Variants in CSNK1A1 observed in about 807,000 individuals in gnomAD.
CSNK1A1 encodes casein kinase 1 alpha 1.
Under a neutral mutation model 46.1 loss-of-function variants are expected in CSNK1A1, and 7 were observed. That is an observed-to-expected ratio of 0.15 (90% CI 0.09 to 0.29). The LOEUF (loss-of-function observed/expected upper bound fraction) is 0.29. CSNK1A1 is among the 10% of genes least tolerant of loss of function. The pLI, the probability that CSNK1A1 is intolerant of heterozygous loss-of-function variation, is 1.00. For missense variants in CSNK1A1, 96 were observed against 417.1 expected, an observed-to-expected ratio of 0.23 and a Z score of 6.71; for synonymous variants, 137 against 141.5, an observed-to-expected ratio of 0.97 and a Z score of 0.23.
chr5:149,530,539 C>A (rs1305070133), intron 2 of CSNK1A1, among the ~76,000 whole-genome samples: 1 of 152,234 alleles, frequency 6.6e-6, no homozygotes, highest in African/African-American at 2.4e-5. Context: ...CAAACTTAGT[C>A]TCTTGCCAGC....
intron 9 of CSNK1A1, chr5:149,498,971 C>G: frequency 1.0e-6 from 1 of 985,338 alleles, no homozygotes; most frequent in African/African-American, 1.7e-5. Flanking sequence ...AAAGGCTACC[C>G]TAACAATATT....
intron 2 of CSNK1A1, among the ~76,000 whole-genome samples, chr5:149,548,870 G>A (rs529367315): frequency 6.6e-6 from 1 of 152,194 alleles, no homozygotes; most frequent in African/African-American, 2.4e-5. Flanking sequence ...AGAGGCTCCA[G>A]TAAACAGTAA....
intron 6 of CSNK1A1, among the ~76,000 whole-genome samples, chr5:149,511,073 C>T (rs1256533486): frequency 6.6e-6 from 1 of 152,150 alleles, no homozygotes; most frequent in Non-Finnish European, 1.5e-5. Context: ...CACCTGTAAT[C>T]CCAGTTCTTT....
At chr5:149,505,227 A>G in intron 9 of CSNK1A1, 25 of 1,262,376 alleles carry the variant, frequency 2.0e-5, no homozygotes, top group Non-Finnish European at 2.5e-5. Context: ...ATATACACAC[A>G]TATATGTATA....
rs369676857 is a variant in CSNK1A1, at chr5:149,513,062, G to A, written c.596+8C>T. The A allele has an allele frequency of 1.8e-5, 29 of 1,612,746 alleles. No homozygotes were observed. Among genetic ancestry groups the A allele is most frequent in the Admixed American group, 1.2e-4 (7 of 59,778 alleles). ...GCTATGATAAGCACATTCCATTTTC[G>A]AACTTACCTCTGCTCAATACCAAGA... On this transcript the variant is annotated splice_region_variant and intron_variant, in intron 5 of 9. Transcript: ENST00000377843.
chr5:149,538,625 C>T (rs1384960745), intron 2 of CSNK1A1, among the ~76,000 whole-genome samples: 1 of 152,124 alleles, frequency 6.6e-6, no homozygotes, highest in Admixed American at 6.5e-5. Flanking sequence ...AAACCAAACT[C>T]AACCTAACAG....
intron 2 of CSNK1A1, chr5:149,549,342 C>T (rs1762585392): frequency 4.8e-6 from 3 of 621,804 alleles, no homozygotes; most frequent in Non-Finnish European, 9.0e-6. Context: ...GAGTAATTAA[C>T]ACTTTTAAAA....
At chr5:149,538,520 A>C (rs750121591) in intron 2 of CSNK1A1, among the ~76,000 whole-genome samples, 31 of 152,216 alleles carry the variant, frequency 2.0e-4, no homozygotes, top group Admixed American at 4.6e-4. Flanking sequence ...GGGATAAAAA[A>C]TAATATTATG....
intron 2 of CSNK1A1, among the ~76,000 whole-genome samples, chr5:149,542,937 C>T (rs1048072860): frequency 4.6e-5 from 7 of 151,212 alleles, no homozygotes; most frequent in South Asian, 2.1e-4. Flanking sequence ...TCAGGTGATC[C>T]GCCCGTCTTG....
chr5:149,502,941 G>GT (rs1268496910), intron 9 of CSNK1A1: 3 of 645,872 alleles, frequency 4.6e-6, no homozygotes, highest in Non-Finnish European at 5.8e-6. Context: ...GCTAATTTTT[G>GT]TATTTTTTGT....
Position 149,496,657 on chromosome 5 carries a change from A to G in CSNK1A1, c.*196T>C. ...TATCTCAGTTAATATTCACAATTAC[A>G]GAGGCTACAACTCAGGATACAGCAT... On this transcript the variant is annotated 3_prime_UTR_variant, in exon 10 of 10. Transcript: ENST00000377843. 2.0e-6 allele frequency: 1 copy of G among 510,438 alleles called. No individual in the cohort carries two copies. The highest frequency in any genetic ancestry group is 3.2e-6 in the Non-Finnish European group (1 of 315,964). The allele number at this position is 510,438 out of a possible 1,614,324, so 31.6% of individuals were successfully genotyped here.
chr5:149,549,658 T>C (rs1302630309), intron 2 of CSNK1A1: 4 of 630,394 alleles, frequency 6.3e-6, no homozygotes, highest in Non-Finnish European at 8.7e-6. Flanking sequence ...GAGCAGCCAT[T>C]TCCCAAGCCA....
At chr5:149,542,120 C>T (rs1437468688) in intron 2 of CSNK1A1, among the ~76,000 whole-genome samples, 2 of 151,940 alleles carry the variant, frequency 1.3e-5, no homozygotes, top group African/African-American at 4.8e-5. Flanking sequence ...CTGGCATTAC[C>T]GCCTGAGCTC....
chr5:149,549,244 T>C (rs1463868560), intron 2 of CSNK1A1: 2 of 493,622 alleles, frequency 4.1e-6, no homozygotes, highest in Non-Finnish European at 7.4e-6. Context: ...TTTAACATAG[T>C]TGGTGCTGCT....
rs139347397 is a variant in CSNK1A1 at position 149,533,819 on chromosome 5, T to G, written c.231-8648A>C. ...ACAAATGTTAAAATACACTTTTTCA[T>G]TGGGAAGTGGAAAATGTACTTATAG... On this transcript the variant is annotated intron_variant, in intron 2 of 9. Transcript: ENST00000377843. Among the ~76,000 whole-genome samples the G allele has an allele frequency of 4.9e-3, 747 of 152,254 alleles. 6 individuals carry two copies. Among genetic ancestry groups the G allele is most frequent in the African/African-American group, 0.017 (720 of 41,544 alleles).
intron 7 of CSNK1A1, among the ~76,000 whole-genome samples, chr5:149,508,318 C>T (rs1046621655): frequency 3.9e-5 from 6 of 151,960 alleles, no homozygotes; most frequent in Non-Finnish European, 4.4e-5. Flanking sequence ...CTTTCTAAAA[C>T]TCAACATTTA....
intron 2 of CSNK1A1, among the ~76,000 whole-genome samples, chr5:149,546,041 A>C (rs1580867056): frequency 6.6e-6 from 1 of 150,730 alleles, no homozygotes; most frequent in Non-Finnish European, 1.5e-5. Context: ...GGCGCACGCC[A>C]CCACACCAGG....
intron 4 of CSNK1A1, among the ~76,000 whole-genome samples, chr5:149,513,914 A>AC (rs1554115566): frequency 1.3e-5 from 2 of 151,742 alleles, no homozygotes; most frequent in Non-Finnish European, 1.5e-5. Context: ...AAAAAAAAAA[A>AC]ATCCAGATAT....
rs546071516 is a variant in CSNK1A1 at position 149,519,369 on chromosome 5, C to CA, written c.456+920dup. Among the ~76,000 whole-genome samples the CA allele has an allele frequency of 3.7e-4, 56 of 151,816 alleles. 1 individual carries two copies. The highest frequency in any genetic ancestry group is 1.5e-3 in the South Asian group (7 of 4,798). ...TTCCAAAAACAAAACAAAAAAGCCA[C>CA]AAAAAAACAAAAAAAGCCCCCAAGT... is the stretch of plus-strand genomic sequence containing the variant. On this transcript the variant is annotated intron_variant, in intron 4 of 9. Coordinates refer to ENST00000377843, the MANE Select transcript of CSNK1A1 (RefSeq NM_001892.6).
Sources: gnomAD v4.1 joint callset for allele counts (sites outside exome capture counted in the v4.1 genomes callset) on GRCh38, gnomAD v4.1.1 for gene constraint, MANE v1.5 for transcripts, NCBI Gene and HGNC (gene_info 2026-07-23, HGNC 2026-07-21) for gene names.